Variants in CD22 observed in about 807,000 individuals in gnomAD.
CD22 encodes the protein B-cell receptor CD22.
A neutral mutation model predicts 94.7 loss-of-function variants in CD22; 51 were observed. The observed-to-expected ratio is 0.54, with a 90% CI of 0.43 to 0.68. The LOEUF (loss-of-function observed/expected upper bound fraction) is 0.68, where lower values mean the gene tolerates loss of function less well. CD22 is among the 30% of genes least tolerant of loss of function. The pLI is 0.00. For synonymous variants in CD22, 424 were observed against 422.5 expected (o/e 1.00, Z -0.04); for missense variants, 931 against 1,060.4 (o/e 0.88, Z 1.69).
rs1392596041 is a variant in CD22 at position 35,344,736 on chromosome 19, G to A, written c.2036-93G>A. 6.8e-6 allele frequency: 6 copies of A among 879,694 alleles called. No individual in the cohort carries two copies. In the East Asian group the frequency reaches 1.5e-4, roughly 21 times the overall value. 54.5% of individuals were successfully genotyped at this position (879,694 alleles called of 1,614,324 possible). A position where few individuals can be genotyped will look rare whatever the true frequency, so the allele number is the denominator to read the frequency against. On this transcript the variant is annotated intron_variant, in intron 9 of 13. Coordinates refer to ENST00000085219, the MANE Select transcript of CD22 (RefSeq NM_001771.4). ...CATGCAGGGGAGAAGGACGAGTCTG[G>A]CTGCAGAGAGAAGTCCAGGATGCCT...
At chr19:35,335,899 C>G (rs539409861) in intron 3 of CD22, 137 bp from the exon 4 acceptor site, 2 of 701,386 alleles carry the variant, frequency 2.9e-6, no homozygotes, top group Admixed American at 5.3e-5. Context: ...AACAAAAAAA[C>G]AAAGCAGGAC....
In CD22 at chr19:35,337,745, GCTC is replaced by G. The variant is rs1568486685; in HGVS notation, c.719-5_719-3del. ...CCGCCCCCTCCCCGACTGCCCCTCT[GCTC>G]CTCCAGACACCCCGAAGTTGGAGAT... On this transcript the variant is annotated splice_polypyrimidine_tract_variant and splice_region_variant and intron_variant, in intron 4 of 13. Coordinates refer to ENST00000085219, the MANE Select transcript of CD22 (RefSeq NM_001771.4). This position sits in a 1 kb window ranked among gnomAD's most constrained non-coding sequence, Gnocchi z 4.4. 1 of 1,583,738 alleles carries G rather than the reference GCTC, an allele frequency of 6.3e-7. No individual in the cohort carries two copies. The highest frequency in any genetic ancestry group is 1.3e-5 in the African/African-American group (1 of 74,546).
In CD22 at chr19:35,341,350, C is replaced by G; in HGVS notation, c.1515C>G (p.Pro505=). ...SPVALNVQYA[P]RDVRVRKIKP... is the part of the protein sequence containing the mutation. Reference sequence around the variant, plus strand: ...GGGACCCTTGCCCTCCAGATGCCCCCCGAGACGTGAGGGTCCGGAAAATCA... The same window carrying G: ...GGGACCCTTGCCCTCCAGATGCCCCGCGAGACGTGAGGGTCCGGAAAATCA... The change falls in exon 8 of 14, where the codon CCC becomes CCG. Residue 505 remains proline (P), a synonymous_variant. Transcript: ENST00000085219. The surrounding 1 kb of genome is among the most constrained non-coding windows in gnomAD (Gnocchi z 4.0). 6.2e-7 allele frequency: 1 copy of G among 1,613,572 alleles called. No individual in the cohort carries two copies. The highest frequency in any genetic ancestry group is 8.5e-7 in the Non-Finnish European group (1 of 1,179,694).
Position 35,341,799 on chromosome 19 carries a change from C to T in CD22, c.1869C>T (p.Pro623=), listed in dbSNP as rs766386069. Residue 623 remains proline, a synonymous_variant, in exon 9 of 14, where the codon CCC becomes CCT. Transcript: ENST00000085219. This position sits in a 1 kb window ranked among gnomAD's most constrained non-coding sequence, Gnocchi z 4.0. ...CCTGTGAGAGCGACGCCAACCCTCC[C>T]GTCTCCCACTACACCTGGTTTGACT... ...TLTCESDANP[P]VSHYTWFDWN... 1.6e-5 allele frequency: 26 copies of T among 1,613,672 alleles called. No individual in the cohort carries two copies. The highest frequency in any genetic ancestry group is 1.2e-4 in the South Asian group (11 of 91,094).
At chr19:35,333,015 G>T in intron 3 of CD22, 91 bp downstream of exon 3, 1 of 1,414,852 alleles carries the variant, frequency 7.1e-7, no homozygotes, top group South Asian at 1.3e-5. Flanking sequence ...CTCACAAACC[G>T]AGCTTCCTGC....
At position 35,344,832 on chromosome 19, in the gene CD22, G is replaced by C. The variant is rs2066876297; in HGVS notation, c.2039G>C (p.Ser680Thr). The change falls in exon 10 of 14, where the codon AGC becomes ACC. Residue 680 changes from serine (S) to threonine (T), a missense_variant. Ser to Thr is a moderately conservative substitution (Grantham distance 58). Coordinates refer to ENST00000085219, the MANE Select transcript of CD22 (RefSeq NM_001771.4). ...SPLSTLTVYYSPETIGRRVAV... is the reference protein window; with the variant it reads ...SPLSTLTVYYTPETIGRRVAV... ...GGTCTCTCCTTTCTCCACCCAGATA[G>C]CCCGGAGACCATCGGCAGGCGAGTG... 1.2e-6 allele frequency: 2 copies of C among 1,609,932 alleles called. No homozygotes were observed. Among genetic ancestry groups the C allele is most frequent in the Non-Finnish European group, 1.7e-6 (2 of 1,177,086 alleles).
rs370413131 is a variant in CD22 at position 35,341,987 on chromosome 19, G to A, written c.2035+22G>A. 2.5e-6 allele frequency: 4 copies of A among 1,588,896 alleles called. No individual in the cohort carries two copies. Among genetic ancestry groups the A allele is most frequent in the Admixed American group, 1.7e-5 (1 of 57,426 alleles). ...TACTGTAAGGCCTCTTCCTGCTCTTGTTCTTCTTGGTGGTGGTCAGTCCTT... is the reference window on the plus strand; with the variant it reads ...TACTGTAAGGCCTCTTCCTGCTCTTATTCTTCTTGGTGGTGGTCAGTCCTT... On this transcript the variant is annotated intron_variant, in intron 9 of 13. Coordinates refer to ENST00000085219, the MANE Select transcript of CD22 (RefSeq NM_001771.4). The surrounding 1 kb of genome is among the most constrained non-coding windows in gnomAD (Gnocchi z 4.0).
At chr19:35,331,854 A>G (rs2066649761) in intron 1 of CD22, 165 bp from the exon 2 acceptor site, 9 of 1,420,382 alleles carry the variant, frequency 6.3e-6, no homozygotes, top group Non-Finnish European at 8.4e-6. Context: ...CTCAAAAAAA[A>G]AGAAAGAACT....
chr19:35,332,348 A>T, intron 2 of CD22, 199 bp from the exon 3 acceptor site: 1 of 660,328 alleles, frequency 1.5e-6, no homozygotes, highest in Non-Finnish European at 2.5e-6. Context: ...GCAGTGGCTC[A>T]TGCCTGAAAT....
intron 6 of CD22, among the ~76,000 whole-genome samples, chr19:35,340,295 G>A (rs1889836224): frequency 6.6e-6 from 1 of 151,646 alleles, no homozygotes; most frequent in African/African-American, 2.4e-5. Context: ...ACTGCCTCTT[G>A]TTTTTAAGAT....
In CD22 at chr19:35,345,145, C is replaced by T. The variant is rs746198258; in HGVS notation, c.2208+19C>T. The T allele has an allele frequency of 1.7e-5, 27 of 1,610,196 alleles. 1 individual carries two copies. Among genetic ancestry groups the T allele is most frequent in the Non-Finnish European group, 2.2e-5 (26 of 1,176,986 alleles). On this transcript the variant is annotated intron_variant, in intron 11 of 13. Transcript: ENST00000085219. ...TAAAAAGGTAGGATGGGGCTGGGCA[C>T]GATGGCTCATGCCTGTAATCCCAGC... is the stretch of plus-strand genomic sequence containing the variant.
At position 35,341,368 on chromosome 19, in the gene CD22, G is replaced by T. The variant is rs1393919950; in HGVS notation, c.1533G>T (p.Arg511=). 6.2e-7 allele frequency: 1 copy of T among 1,613,812 alleles called. No homozygotes were observed. Among genetic ancestry groups the T allele is most frequent in the East Asian group, 2.2e-5 (1 of 44,882 alleles). ...ATGCCCCCCGAGACGTGAGGGTCCGGAAAATCAAGCCCCTTTCCGAGATTC... is the reference window on the plus strand; with the variant it reads ...ATGCCCCCCGAGACGTGAGGGTCCGTAAAATCAAGCCCCTTTCCGAGATTC... ...VQYAPRDVRV[R]KIKPLSEIHS... The change falls in exon 8 of 14, where the codon CGG becomes CGT. Residue 511 remains arginine, a synonymous_variant. Coordinates refer to ENST00000085219, the MANE Select transcript of CD22 (RefSeq NM_001771.4). This position sits in a 1 kb window ranked among gnomAD's most constrained non-coding sequence, Gnocchi z 4.0.
chr19:35,339,444 C>T (rs927268807), intron 6 of CD22, among the ~76,000 whole-genome samples: 4 of 151,706 alleles, frequency 2.6e-5, no homozygotes, highest in African/African-American at 9.7e-5. Context: ...GTAGTCTCAG[C>T]TACCCAGGAG....
rs202106412 is a variant in CD22, at chr19:35,337,925, C to T, written c.889C>T (p.Arg297Cys). The change falls in exon 5 of 14, where the codon CGC becomes TGC. Residue 297 changes from arginine (R) to cysteine (C), a missense_variant. Transcript: ENST00000085219. The surrounding 1 kb of genome is among the most constrained non-coding windows in gnomAD (Gnocchi z 4.4). ...KKQNTFTLNLREVTKDQSGKY... is the reference protein window; with the variant it reads ...KKQNTFTLNLCEVTKDQSGKY... ...GCAGAATACATTCACGCTAAACCTG[C>T]GCGAAGTGACCAAGGACCAGAGTGG... is the stretch of plus-strand genomic sequence containing the variant. 1.2e-5 allele frequency: 19 copies of T among 1,614,210 alleles called. No individual in the cohort carries two copies. Among genetic ancestry groups the T allele is most frequent in the Admixed American group, 1.7e-5 (1 of 60,022 alleles).
At position 35,346,752 on chromosome 19, in the gene CD22, C is replaced by A. The variant is rs1007526436; in HGVS notation, c.*55C>A. 3 of 1,522,372 alleles carry A rather than the reference C, an allele frequency of 2.0e-6. No individual in the cohort carries two copies. In the South Asian group the frequency reaches 3.8e-5, roughly 20 times the overall value. 94.3% of individuals were successfully genotyped at this position (1,522,372 alleles called of 1,614,324 possible). A position where few individuals can be genotyped will look rare whatever the true frequency, so the allele number is the denominator to read the frequency against. ...GGGCAGCGGGGGCCAGGGAAGTCCC[C>A]GAGTTTCCCCAGACACCGCCACATG... On this transcript the variant is annotated 3_prime_UTR_variant, in exon 14 of 14. Coordinates refer to ENST00000085219, the MANE Select transcript of CD22 (RefSeq NM_001771.4).
Position 35,336,185 on chromosome 19 carries a change from G to A in CD22, c.562G>A (p.Val188Ile). The change falls in exon 4 of 14, where the codon GTC (valine) becomes ATC (isoleucine). Residue 188 changes from valine (V) to isoleucine (I), a missense_variant. Physicochemically the swap from Val to Ile is conservative, Grantham distance 29. Coordinates refer to ENST00000085219, the MANE Select transcript of CD22 (RefSeq NM_001771.4). ...LEGVPMRQAA[V>I]TSTSLTIKSV... is the part of the protein sequence containing the mutation. ...GGGGGTTCCAATGAGGCAGGCTGCT[G>A]TCACCTCGACCTCCTTGACCATCAA... is the stretch of plus-strand genomic sequence containing the variant. 1.2e-6 allele frequency: 2 copies of A among 1,614,238 alleles called. No homozygotes were observed. Among genetic ancestry groups the A allele is most frequent in the Non-Finnish European group, 1.7e-6 (2 of 1,180,048 alleles).
intron 3 of CD22, among the ~76,000 whole-genome samples, chr19:35,334,994 C>T (rs568261754): frequency 2.1e-5 from 3 of 144,776 alleles, no homozygotes; most frequent in East Asian, 2.1e-4. Flanking sequence ...AGGAGAATGG[C>T]GTGAACCCGG....
intron 11 of CD22, chr19:35,345,339 T>C: frequency 5.2e-6 from 3 of 581,390 alleles, no homozygotes; most frequent in Non-Finnish European, 9.1e-6. Context: ...GAGAATCGCT[T>C]GAACCTGGGA....
Position 35,337,856 on chromosome 19 carries a change from T to C in CD22, c.820T>C (p.Tyr274His), listed in dbSNP as rs766977746. The C allele has an allele frequency of 3.7e-5, 59 of 1,613,836 alleles. No homozygotes were observed. The highest frequency in any genetic ancestry group is 4.7e-5 in the Non-Finnish European group (56 of 1,179,974). ...CGAGGTCAGCAGCAGCAACCCGGAG[T>C]ACACGACGGTATCCTGGCTCAAGGA... Reference protein sequence around the residue: ...TCEVSSSNPEYTTVSWLKDGT... With the variant: ...TCEVSSSNPEHTTVSWLKDGT... The change falls in exon 5 of 14, where the codon TAC becomes CAC. Residue 274 changes from tyrosine to histidine, a missense_variant. Physicochemically the swap from Tyr to His is moderately conservative, Grantham distance 83. Transcript: ENST00000085219. This position sits in a 1 kb window ranked among gnomAD's most constrained non-coding sequence, Gnocchi z 4.4.
Sources: allele counts gnomAD v4.1 joint callset (sites outside exome capture counted in the v4.1 genomes callset), GRCh38; gene constraint gnomAD v4.1.1; non-coding constraint Gnocchi (gnomAD v3.1); transcripts MANE v1.5; gene names NCBI Gene and HGNC (gene_info 2026-07-23, HGNC 2026-07-21).